The following BEND5 variants were observed in gnomAD, a reference collection of about 807,000 sequenced individuals.
BEND5 encodes the protein BEN domain containing 5, also known as BEN domain-containing protein 5.
A neutral mutation model predicts 43.9 loss-of-function variants in BEND5; 22 were observed. The ratio of observed to expected loss-of-function variants is 0.50; its 90% CI spans 0.36 to 0.72. The LOEUF (loss-of-function observed/expected upper bound fraction) is 0.72, where lower values mean the gene tolerates loss of function less well. BEND5 is among the 30% of genes least tolerant of loss of function. The pLI is 0.00. For synonymous variants in BEND5, 228 were observed against 225.9 expected, an observed-to-expected ratio of 1.01 and a Z score of -0.08; for missense variants, 428 against 550.6, an observed-to-expected ratio of 0.78 and a Z score of 2.23.
At chr1:48,734,186 T>C (rs1312088903) in intron 5 of BEND5, among the ~76,000 whole-genome samples, 2 of 152,156 alleles carry the variant, frequency 1.3e-5, no homozygotes, top group Non-Finnish European at 2.9e-5. Context: ...CCTAAATCAA[T>C]TAATCCGGAG....
chr1:48,728,024 T>A lies in BEND5; in HGVS notation c.1128A>T (p.Ile376=). ...SIVRECLYDR[I]AQETVDETEI... ...CAGTTTCATCCACAGTTTCTTGTGCTATTCTGTCATACAAACACTCTAGAC... is the reference window on the plus strand; with the variant it reads ...CAGTTTCATCCACAGTTTCTTGTGCAATTCTGTCATACAAACACTCTAGAC... Residue 376 remains isoleucine, a synonymous_variant, in exon 6 of 6, where the codon ATA becomes ATT. Transcript: ENST00000371833. 6.2e-7 allele frequency: 1 copy of A among 1,610,338 alleles called. No individual in the cohort carries two copies.
chr1:48,737,713 G>A (rs1440531543), intron 4 of BEND5, among the ~76,000 whole-genome samples: 1 of 152,060 alleles, frequency 6.6e-6, no homozygotes, highest in African/African-American at 2.4e-5. Flanking sequence ...TCTCCTTTCT[G>A]CATCTTTAGT....
intron 2 of BEND5, among the ~76,000 whole-genome samples, chr1:48,760,525 A>G (rs1167954012): frequency 6.6e-6 from 1 of 152,130 alleles, no homozygotes; most frequent in Non-Finnish European, 1.5e-5. Context: ...ATCTAAAGTG[A>G]TCGTTACAAT....
intron 1 of BEND5, among the ~76,000 whole-genome samples, chr1:48,767,052 T>C (rs887565516): frequency 3.3e-5 from 5 of 152,168 alleles, no homozygotes; most frequent in Non-Finnish European, 4.4e-5. Context: ...CTCACATCCA[T>C]AGAAGATTAC....
At chr1:48,756,577 C>T (rs1158369316) in intron 3 of BEND5, among the ~76,000 whole-genome samples, 4 of 152,324 alleles carry the variant, frequency 2.6e-5, no homozygotes, top group East Asian at 3.9e-4. Flanking sequence ...AGGACATGAG[C>T]TTCCCAAAGC....
chr1:48,776,387 G>T (rs1203265800), intron 1 of BEND5, among the ~76,000 whole-genome samples: 2 of 152,184 alleles, frequency 1.3e-5, no homozygotes, highest in African/African-American at 2.4e-5. Context: ...CGGGAGCTTC[G>T]GGGAAGCGGG....
In BEND5 at chr1:48,776,854, C is replaced by T. The variant is rs913354188; in HGVS notation, c.-23G>A. 6.6e-5 allele frequency: 91 copies of T among 1,378,324 alleles called. No homozygotes were observed. The highest frequency in any genetic ancestry group is 8.4e-5 in the Non-Finnish European group (88 of 1,051,540). 85.4% of individuals were successfully genotyped at this position (1,378,324 alleles called of 1,614,324 possible). A position where few individuals can be genotyped will look rare whatever the true frequency, so the allele number is the denominator to read the frequency against. ...CATGGTGGGCGCCGGGGGCGGGCCCCGGTCGGGCAGCTCAGCCCGCGGGGC... is the reference window on the plus strand; with the variant it reads ...CATGGTGGGCGCCGGGGGCGGGCCCTGGTCGGGCAGCTCAGCCCGCGGGGC... On this transcript the variant is annotated 5_prime_UTR_variant, in exon 1 of 6. Transcript: ENST00000371833.
chr1:48,739,303 G>A (rs1457406816), intron 4 of BEND5, among the ~76,000 whole-genome samples: 4 of 152,164 alleles, frequency 2.6e-5, no homozygotes, highest in African/African-American at 9.7e-5. Context: ...TTGACTAGAT[G>A]ACTTCTGCAG....
chr1:48,734,643 C>T (rs1648727491), intron 5 of BEND5, among the ~76,000 whole-genome samples: 2 of 152,204 alleles, frequency 1.3e-5, no homozygotes, highest in African/African-American at 4.8e-5. Context: ...ATACCTGCTG[C>T]TTATTCTGCC....
chr1:48,757,013 G>T (rs1394932812), intron 3 of BEND5, among the ~76,000 whole-genome samples: 1 of 152,144 alleles, frequency 6.6e-6, no homozygotes, highest in African/African-American at 2.4e-5. Flanking sequence ...ACATGTTTTA[G>T]GACTAAAAGA....
At chr1:48,762,908 C>T (rs1446215247) in intron 1 of BEND5, among the ~76,000 whole-genome samples, 1 of 151,868 alleles carries the variant, frequency 6.6e-6, no homozygotes, top group Non-Finnish European at 1.5e-5. Flanking sequence ...TAGGTAAGGG[C>T]CTTAATCTCT....
intron 3 of BEND5, among the ~76,000 whole-genome samples, 193 bp downstream of exon 3, chr1:48,758,707 G>A (rs549343413): frequency 6.6e-6 from 1 of 152,340 alleles, no homozygotes; most frequent in Admixed American, 6.5e-5. Flanking sequence ...TGAGGCTGCT[G>A]CATACATAAG....
At chr1:48,766,984 G>A (rs1021375874) in intron 1 of BEND5, among the ~76,000 whole-genome samples, 2 of 152,212 alleles carry the variant, frequency 1.3e-5, no homozygotes, top group Non-Finnish European at 2.9e-5. Flanking sequence ...CTTATATAGT[G>A]CAAATATCTG....
At chr1:48,758,794 A>C (rs940386672) in intron 3 of BEND5, 106 bp downstream of exon 3, 1 of 1,026,766 alleles carries the variant, frequency 9.7e-7, no homozygotes, top group Non-Finnish European at 1.4e-6. Flanking sequence ...GTCCTTCCCT[A>C]GCCTCAGGGC....
At chr1:48,767,062 C>A (rs1388778045) in intron 1 of BEND5, among the ~76,000 whole-genome samples, 1 of 152,192 alleles carries the variant, frequency 6.6e-6, no homozygotes, top group Admixed American at 6.5e-5. Flanking sequence ...TAGAAGATTA[C>A]TGAACATTCA....
At chr1:48,734,837 TG>T (rs1026229925) in intron 5 of BEND5, among the ~76,000 whole-genome samples, 2 of 152,238 alleles carry the variant, frequency 1.3e-5, no homozygotes, top group African/African-American at 4.8e-5. Flanking sequence ...TGGACATATT[TG>T]TTGTCTGCCC....
In BEND5 at chr1:48,727,829, C is replaced by T; in HGVS notation, c.*57G>A. ...GGGTCTGATTTGGACGGCACCATCG[C>T]TCGCAAATCACATGCCACACAAGGA... is the stretch of plus-strand genomic sequence containing the variant. On this transcript the variant is annotated 3_prime_UTR_variant, in exon 6 of 6. Coordinates refer to ENST00000371833, the MANE Select transcript of BEND5 (RefSeq NM_024603.4). The T allele has an allele frequency of 1.3e-6, 2 of 1,518,152 alleles. No individual in the cohort carries two copies. The highest frequency in any genetic ancestry group is 9.0e-7 in the Non-Finnish European group (1 of 1,107,314). 94.0% of individuals were successfully genotyped at this position (1,518,152 alleles called of 1,614,324 possible).
rs1400543513 is a variant in BEND5 at position 48,766,654 on chromosome 1, C to A, written c.227-5184G>T. On this transcript the variant is annotated intron_variant, in intron 1 of 5. Transcript: ENST00000371833. ...AGGAAAGGGACAGAAGCAGATAGCA[C>A]CTTGATTCACATGCCTCTTGACCTG... Among the ~76,000 whole-genome samples the A allele has an allele frequency of 3.3e-5, 5 of 152,308 alleles. No individual in the cohort carries two copies. The South Asian group carries it at 1.0e-3, about 32-fold the overall frequency.
chr1:48,728,582 G>A (rs1481208286), intron 5 of BEND5, among the ~76,000 whole-genome samples: 1 of 146,866 alleles, frequency 6.8e-6, no homozygotes, highest in Non-Finnish European at 1.5e-5. Context: ...GTGTTCTATT[G>A]TATGGCTCTA....
Sources: allele counts gnomAD v4.1 joint callset (sites outside exome capture counted in the v4.1 genomes callset), GRCh38; gene constraint gnomAD v4.1.1; transcripts MANE v1.5; gene names NCBI Gene and HGNC (gene_info 2026-07-23, HGNC 2026-07-21).